SUGCT: variants seen among roughly 807,000 people sequenced by gnomAD.
SUGCT encodes the protein succinyl-CoA:glutarate-CoA transferase.
SUGCT carries 41 observed loss-of-function variants against 55.0 expected under a neutral mutation model. The observed-to-expected ratio is 0.74, with a 90% confidence interval of 0.58 to 0.97. The LOEUF (loss-of-function observed/expected upper bound fraction) is 0.97, where lower values mean the gene tolerates loss of function less well. Among genes scored for constraint, SUGCT ranks in the 50% least tolerant of loss-of-function variants. The probability of loss-of-function intolerance (pLI) is 0.00; values close to 1 mark genes in which losing one functional copy is unlikely to be tolerated. For missense variants in SUGCT, 568 were observed against 547.8 expected (o/e 1.04, Z -0.37); for synonymous variants, 187 against 200.4 (o/e 0.93, Z 0.56).
chr7:40,567,230 T>A (rs1313346394), intron 12 of SUGCT, among the ~76,000 whole-genome samples: 1 of 152,268 alleles, frequency 6.6e-6, no homozygotes, highest in Non-Finnish European at 1.5e-5. Flanking sequence ...TTTGAACCAG[T>A]GCTTAAAGCA....
intron 12 of SUGCT, among the ~76,000 whole-genome samples, chr7:40,518,042 G>A (rs957704370): frequency 2.0e-5 from 3 of 152,174 alleles, no homozygotes; most frequent in African/African-American, 7.2e-5. Context: ...TTTGGCGGGA[G>A]ATTGAACTCT....
the SUGCT span, among the ~76,000 whole-genome samples, chr7:41,010,732 C>T: frequency 9.2e-5 from 14 of 152,198 alleles, no homozygotes; most frequent in East Asian, 9.7e-4. Context: ...TAGGATACCA[C>T]ATGTTTTTGT....
intron 9 of SUGCT, among the ~76,000 whole-genome samples, chr7:40,328,190 T>A (rs1208628867): frequency 6.6e-6 from 1 of 152,246 alleles, no homozygotes; most frequent in Non-Finnish European, 1.5e-5. Flanking sequence ...TGTTGTTTAC[T>A]CATCACAGGG....
chr7:40,652,874 T>C (rs545227504), intron 12 of SUGCT, among the ~76,000 whole-genome samples: 1 of 152,322 alleles, frequency 6.6e-6, no homozygotes, highest in African/African-American at 2.4e-5. Flanking sequence ...ACTCCCTTCT[T>C]GTGGAATATT....
At chr7:40,854,416 T>TTTCC (rs1794033810) in intron 13 of SUGCT, among the ~76,000 whole-genome samples, 6 of 59,444 alleles carry the variant, frequency 1.0e-4, no homozygotes, top group African/African-American at 2.7e-4. Context: ...TCTTTCTTTC[T>TTTCC]TTCCTTTCTT....
intron 9 of SUGCT, among the ~76,000 whole-genome samples, chr7:40,430,785 T>C (rs1787849714): frequency 6.6e-6 from 1 of 152,176 alleles, no homozygotes. Flanking sequence ...TTAGGTCTTA[T>C]ACCCATTTTT....
chr7:40,325,667 G>C (rs142877052), intron 9 of SUGCT, among the ~76,000 whole-genome samples: 1 of 152,196 alleles, frequency 6.6e-6, no homozygotes, highest in South Asian at 2.1e-4. Flanking sequence ...TTAGCTGGGC[G>C]TGGTGGTGCG....
intron 13 of SUGCT, among the ~76,000 whole-genome samples, chr7:40,790,113 A>G (rs942190084): frequency 3.9e-5 from 6 of 152,160 alleles, no homozygotes; most frequent in South Asian, 2.1e-4. Flanking sequence ...TCACCACCCA[A>G]ATCTCATTTT....
chr7:40,955,597 C>T, the SUGCT span, among the ~76,000 whole-genome samples: 2 of 152,210 alleles, frequency 1.3e-5, no homozygotes, highest in Non-Finnish European at 2.9e-5. Context: ...AATTTGACTT[C>T]CTCTCTTCCT....
chr7:40,311,736 A>G (rs1036396331), intron 8 of SUGCT, among the ~76,000 whole-genome samples: 10 of 152,212 alleles, frequency 6.6e-5, no homozygotes, highest in Admixed American at 2.0e-4. Flanking sequence ...AGGCAAGACT[A>G]TATCTTTTTT....
At chr7:40,427,444 AGT>A (rs1480039695) in intron 9 of SUGCT, among the ~76,000 whole-genome samples, 2 of 152,186 alleles carry the variant, frequency 1.3e-5, no homozygotes, top group Non-Finnish European at 2.9e-5. Flanking sequence ...CCCTTAACAT[AGT>A]GTGGACATTG....
intron 9 of SUGCT, among the ~76,000 whole-genome samples, chr7:40,422,151 T>A (rs893260175): frequency 6.6e-6 from 1 of 151,604 alleles, no homozygotes; most frequent in Non-Finnish European, 1.5e-5. Context: ...TCTAAATCAG[T>A]CTTAAATTTG....
chr7:40,772,251 G>C (rs1057060043), intron 13 of SUGCT, among the ~76,000 whole-genome samples: 2 of 151,974 alleles, frequency 1.3e-5, no homozygotes, highest in African/African-American at 4.8e-5. Context: ...CCATATTCCT[G>C]TTACCACCTG....
At chr7:40,706,903 C>T (rs1271646347) in intron 12 of SUGCT, among the ~76,000 whole-genome samples, 1 of 152,218 alleles carries the variant, frequency 6.6e-6, no homozygotes, top group African/African-American at 2.4e-5. Flanking sequence ...CCCAGACTCT[C>T]ACTTTGCTCA....
At chr7:40,932,523 G>C in the SUGCT span, among the ~76,000 whole-genome samples, 1 of 152,120 alleles carries the variant, frequency 6.6e-6, no homozygotes, top group Non-Finnish European at 1.5e-5. Flanking sequence ...TGACAGTGGA[G>C]TGTTAAAGTC....
chr7:40,904,829 T>C, the SUGCT span, among the ~76,000 whole-genome samples: 1 of 152,154 alleles, frequency 6.6e-6, no homozygotes, highest in Non-Finnish European at 1.5e-5. Context: ...TGTAAAACAA[T>C]CCCTTTTTCA....
intron 13 of SUGCT, among the ~76,000 whole-genome samples, chr7:40,822,688 C>T (rs1208199063): frequency 6.6e-6 from 1 of 152,094 alleles, no homozygotes; most frequent in African/African-American, 2.4e-5. Flanking sequence ...GCAAGGGAAC[C>T]TTGTAGAGCA....
the SUGCT span, among the ~76,000 whole-genome samples, chr7:40,922,716 C>G: frequency 6.6e-6 from 1 of 152,180 alleles, no homozygotes; most frequent in Admixed American, 6.5e-5. Flanking sequence ...TGAAAGGTGC[C>G]CTTGACAGTT....
chr7:40,515,131 C>G (rs915578653), intron 12 of SUGCT, among the ~76,000 whole-genome samples: 7 of 149,580 alleles, frequency 4.7e-5, no homozygotes, highest in African/African-American at 1.7e-4. Context: ...TGACCACAAT[C>G]AAAACACGGA....
Sources: gnomAD v4.1 joint callset for allele counts (sites outside exome capture counted in the v4.1 genomes callset) on GRCh38, gnomAD v4.1.1 for gene constraint, MANE v1.5 for transcripts, NCBI Gene and HGNC (gene_info 2026-07-23, HGNC 2026-07-21) for gene names.